Variants in SHISA6 observed in about 807,000 individuals in gnomAD.
SHISA6 encodes the protein protein shisa-6.
A neutral mutation model predicts 47.9 loss-of-function variants in SHISA6; 22 were observed. That is an observed-to-expected ratio of 0.46 (90% CI 0.33 to 0.66). The LOEUF (loss-of-function observed/expected upper bound fraction) is 0.66, where lower values mean the gene tolerates loss of function less well. Among genes scored for constraint, SHISA6 ranks in the 30% least tolerant of loss-of-function variants. The pLI, the probability that SHISA6 is intolerant of heterozygous loss-of-function variation, is 0.02. For synonymous variants in SHISA6, 388 were observed against 337.8 expected (o/e 1.15, Z -1.63); for missense variants, 680 against 764.6 (o/e 0.89, Z 1.30).
At chr17:11,312,529 A>G (rs542137692) in intron 2 of SHISA6, among the ~76,000 whole-genome samples, 11 of 152,232 alleles carry the variant, frequency 7.2e-5, no homozygotes, top group African/African-American at 2.6e-4. Context: ...TATACCACTC[A>G]CCTCCTTTTT....
intron 3 of SHISA6, among the ~76,000 whole-genome samples, chr17:11,404,684 T>G (rs1913889026): frequency 6.6e-6 from 1 of 152,186 alleles, no homozygotes; most frequent in Non-Finnish European, 1.5e-5. Context: ...GCACACACAG[T>G]AATGTACACT....
chr17:11,368,775 G>A (rs1308245126), intron 2 of SHISA6, among the ~76,000 whole-genome samples: 3 of 152,072 alleles, frequency 2.0e-5, no homozygotes, highest in Non-Finnish European at 4.4e-5. Context: ...TCCTGCCTCA[G>A]CCTCCTGAGT....
intron 2 of SHISA6, among the ~76,000 whole-genome samples, chr17:11,291,873 C>T (rs1216163938): frequency 1.3e-5 from 2 of 152,036 alleles, no homozygotes; most frequent in African/African-American, 4.8e-5. Flanking sequence ...AGGGCCCATC[C>T]GAGGTCCTCA....
At chr17:11,398,862 A>AT (rs1355921473) in intron 3 of SHISA6, among the ~76,000 whole-genome samples, 1 of 151,988 alleles carries the variant, frequency 6.6e-6, no homozygotes, top group African/African-American at 2.4e-5. Context: ...AAGTCCTGGG[A>AT]TTACAGGCAT....
intron 3 of SHISA6, among the ~76,000 whole-genome samples, chr17:11,406,530 G>A (rs2215241): frequency 0.49 from 73,688 of 151,586 alleles, 18,402 homozygotes; most frequent in Middle Eastern, 0.54. Flanking sequence ...TCTTTGCTCC[G>A]TGGAAATGTC....
intron 2 of SHISA6, among the ~76,000 whole-genome samples, chr17:11,294,620 A>G (rs1401975276): frequency 6.6e-6 from 1 of 152,176 alleles, no homozygotes; most frequent in Non-Finnish European, 1.5e-5. Flanking sequence ...TACTGTTGAT[A>G]ACAGATGAAA....
At chr17:11,293,631 G>A (rs1909630860) in intron 2 of SHISA6, among the ~76,000 whole-genome samples, 1 of 152,074 alleles carries the variant, frequency 6.6e-6, no homozygotes, top group Non-Finnish European at 1.5e-5. Context: ...GCATGATGCT[G>A]TAGGAACGCA....
intron 2 of SHISA6, among the ~76,000 whole-genome samples, chr17:11,269,576 A>G (rs1290596868): frequency 6.6e-6 from 1 of 152,220 alleles, no homozygotes. Context: ...AGGGCTGCCC[A>G]TGAAGCCAGA....
chr17:11,315,756 G>T (rs561095318), intron 2 of SHISA6, among the ~76,000 whole-genome samples: 1 of 151,944 alleles, frequency 6.6e-6, no homozygotes, highest in African/African-American at 2.4e-5. Flanking sequence ...ATGCTTTATT[G>T]TATTACTACA....
At chr17:11,311,012 C>T (rs1422652149) in intron 2 of SHISA6, among the ~76,000 whole-genome samples, 1 of 147,200 alleles carries the variant, frequency 6.8e-6, no homozygotes, top group African/African-American at 2.5e-5. Flanking sequence ...GAGGCTAAGG[C>T]AGGAGAATGG....
chr17:11,322,665 C>A lies in SHISA6; in HGVS notation c.800-56749C>A, dbSNP rs187021211. On this transcript the variant is annotated intron_variant, in intron 2 of 5. Transcript: ENST00000441885. ...TAATTAATTTGCAAAAAATCATTCT[C>A]CTCTTAGGGGTACCAATTCAGTATA... Among the ~76,000 whole-genome samples, 53 of 152,284 alleles carry A rather than the reference C, an allele frequency of 3.5e-4. No homozygotes were observed. In the East Asian group the frequency reaches 4.6e-3, roughly 13 times the overall value.
intron 2 of SHISA6, among the ~76,000 whole-genome samples, chr17:11,357,694 C>G (rs2142226455): frequency 6.6e-6 from 1 of 152,298 alleles, no homozygotes; most frequent in South Asian, 2.1e-4. Context: ...GCAGCCTTTC[C>G]TCTGTTGATC....
intron 3 of SHISA6, among the ~76,000 whole-genome samples, chr17:11,387,443 T>C (rs1913234533): frequency 6.6e-6 from 1 of 151,996 alleles, no homozygotes; most frequent in African/African-American, 2.4e-5. Flanking sequence ...AACCCACCGA[T>C]CTGAGGAGGA....
intron 3 of SHISA6, among the ~76,000 whole-genome samples, chr17:11,468,914 G>A (rs141560301): frequency 3.3e-4 from 50 of 150,024 alleles, no homozygotes; most frequent in Non-Finnish European, 6.3e-4. Context: ...CCAGCTACTC[G>A]GGAGGATGAG....
intron 3 of SHISA6, among the ~76,000 whole-genome samples, chr17:11,381,100 G>A (rs535279151): frequency 3.9e-4 from 59 of 152,278 alleles, no homozygotes; most frequent in Middle Eastern, 3.4e-3. Flanking sequence ...CAATTCGGAG[G>A]CCAGCTACCA....
chr17:11,309,213 C>G (rs1451445611), intron 2 of SHISA6, among the ~76,000 whole-genome samples: 2 of 152,202 alleles, frequency 1.3e-5, no homozygotes, highest in African/African-American at 4.8e-5. Flanking sequence ...GATCCTTCTG[C>G]CTCAGCCTCC....
intron 3 of SHISA6, among the ~76,000 whole-genome samples, chr17:11,464,585 G>C (rs1915765320): frequency 6.6e-6 from 1 of 152,212 alleles, no homozygotes; most frequent in Admixed American, 6.5e-5. Context: ...AGCCAAGCAA[G>C]CTCAGAGTTC....
chr17:11,305,620 C>T (rs1047675773), intron 2 of SHISA6, among the ~76,000 whole-genome samples: 3 of 152,214 alleles, frequency 2.0e-5, no homozygotes, highest in African/African-American at 7.2e-5. Flanking sequence ...TCTTTTGTAA[C>T]AGTCTTTGAG....
Position 11,488,957 on chromosome 17 carries a change from C to T in SHISA6, c.896-62939C>T, listed in dbSNP as rs183416292. Among the ~76,000 whole-genome samples, 30 of 152,272 alleles carry T rather than the reference C, an allele frequency of 2.0e-4. 1 individual carries two copies. The highest frequency in any genetic ancestry group is 4.8e-4 in the African/African-American group (20 of 41,558). ...TGCTGGGGAAATGCTGGGGAGTCCA[C>T]GCTGCTCCCTGATGAGTCTGTTTCT... On this transcript the variant is annotated intron_variant, in intron 3 of 5. Transcript: ENST00000441885.
Sources: gnomAD v4.1 joint callset for allele counts (sites outside exome capture counted in the v4.1 genomes callset) on GRCh38, gnomAD v4.1.1 for gene constraint, MANE v1.5 for transcripts, NCBI Gene and HGNC (gene_info 2026-07-23, HGNC 2026-07-21) for gene names.